The following ZFPM2 variants were observed in gnomAD, a reference collection of about 807,000 sequenced individuals.
ZFPM2 encodes the protein zinc finger protein, FOG family member 2, also known as zinc finger protein ZFPM2.
In ZFPM2, 20 loss-of-function variants were observed where a neutral mutation model predicts 98.6. The observed-to-expected ratio is 0.20, with a 90% CI of 0.14 to 0.29. ZFPM2 has a LOEUF of 0.29. ZFPM2 is among the 10% of genes least tolerant of loss of function. The pLI is 1.00. For missense variants in ZFPM2, 1,310 were observed against 1,388.6 expected (o/e 0.94, Z 0.90); for synonymous variants, 518 against 502.7 (o/e 1.03, Z -0.41).
At chr8:105,529,477 A>G (rs1204915037) in intron 3 of ZFPM2, among the ~76,000 whole-genome samples, 1 of 152,146 alleles carries the variant, frequency 6.6e-6, no homozygotes, top group African/African-American at 2.4e-5. Flanking sequence ...GACTGTCACA[A>G]TACACTGAGT....
At chr8:105,574,134 TA>T (rs1298047056) in intron 4 of ZFPM2, among the ~76,000 whole-genome samples, 3 of 152,190 alleles carry the variant, frequency 2.0e-5, no homozygotes, top group African/African-American at 7.2e-5. Flanking sequence ...AAACATACTT[TA>T]AAAAGCAGGT....
intron 5 of ZFPM2, among the ~76,000 whole-genome samples, chr8:105,722,387 A>C (rs1261475263): frequency 6.6e-6 from 1 of 151,636 alleles, no homozygotes; most frequent in Non-Finnish European, 1.5e-5. Flanking sequence ...ACTATAATTG[A>C]CCTTTGAACA....
chr8:105,728,440 C>G (rs772423792), intron 5 of ZFPM2, among the ~76,000 whole-genome samples: 5 of 151,770 alleles, frequency 3.3e-5, no homozygotes, highest in Non-Finnish European at 7.4e-5. Context: ...AAACTGCTAT[C>G]TGGAACGATG....
At chr8:105,581,731 T>C (rs1297163308) in intron 4 of ZFPM2, among the ~76,000 whole-genome samples, 1 of 152,178 alleles carries the variant, frequency 6.6e-6, no homozygotes, top group Non-Finnish European at 1.5e-5. Flanking sequence ...TTTAAAACTT[T>C]AAAAAATAAC....
intron 3 of ZFPM2, among the ~76,000 whole-genome samples, chr8:105,547,245 A>G (rs1814727396): frequency 2.0e-5 from 3 of 152,082 alleles, no homozygotes; most frequent in Admixed American, 6.6e-5. Flanking sequence ...AAGATGAATA[A>G]TATAAATAAA....
At position 105,610,502 on chromosome 8, in the gene ZFPM2, T is replaced by C. The variant is rs1448627227; in HGVS notation, c.421-23744T>C. Among the ~76,000 whole-genome samples the C allele has an allele frequency of 3.3e-5, 5 of 152,078 alleles. No individual in the cohort carries two copies. The South Asian group carries it at 8.3e-4, about 25-fold the overall frequency. On this transcript the variant is annotated intron_variant, in intron 4 of 7. Coordinates refer to ENST00000407775, the MANE Select transcript of ZFPM2 (RefSeq NM_012082.4). Reference sequence around the variant, plus strand: ...TGTATTTACCATTTTTAGGAGTGAATTGGAAACTAGCATATAATAACTAGC... The same window carrying C: ...TGTATTTACCATTTTTAGGAGTGAACTGGAAACTAGCATATAATAACTAGC...
chr8:105,470,140 A>G (rs1279522687), intron 3 of ZFPM2, among the ~76,000 whole-genome samples: 4 of 151,286 alleles, frequency 2.6e-5, no homozygotes, highest in Non-Finnish European at 5.9e-5. Flanking sequence ...CTTCCTCTCT[A>G]CTCTTCCTTT....
At chr8:105,362,609 G>A (rs1810426278) in intron 1 of ZFPM2, among the ~76,000 whole-genome samples, 1 of 152,094 alleles carries the variant, frequency 6.6e-6, no homozygotes, top group African/African-American at 2.4e-5. Flanking sequence ...CATAATGCTA[G>A]AGTCTTGGAA....
chr8:105,709,622 A>G (rs1293630288), intron 5 of ZFPM2, among the ~76,000 whole-genome samples: 1 of 152,174 alleles, frequency 6.6e-6, no homozygotes, highest in African/African-American at 2.4e-5. Context: ...ATTAAAATTA[A>G]CTGAGAGTGA....
chr8:105,590,847 A>C (rs367901422), intron 4 of ZFPM2, among the ~76,000 whole-genome samples: 3 of 152,260 alleles, frequency 2.0e-5, no homozygotes, highest in East Asian at 3.9e-4. Context: ...CACAAGACAC[A>C]TGGTCCACTT....
At chr8:105,382,530 T>C (rs1371729520) in intron 1 of ZFPM2, among the ~76,000 whole-genome samples, 1 of 152,142 alleles carries the variant, frequency 6.6e-6, no homozygotes, top group African/African-American at 2.4e-5. Context: ...ATAGAAAATG[T>C]TATTTTACCC....
chr8:105,321,403 T>G (rs1270310827), intron 1 of ZFPM2, among the ~76,000 whole-genome samples: 1 of 152,218 alleles, frequency 6.6e-6, no homozygotes, highest in Admixed American at 6.5e-5. Context: ...AAAGCTATGC[T>G]CTGTGAAACA....
At chr8:105,576,426 T>G (rs1009000665) in intron 4 of ZFPM2, among the ~76,000 whole-genome samples, 1 of 152,128 alleles carries the variant, frequency 6.6e-6, no homozygotes, top group Non-Finnish European at 1.5e-5. Context: ...CTAGAAAAAC[T>G]TAGCTGCTTG....
chr8:105,370,979 T>A (rs1810611970), intron 1 of ZFPM2, among the ~76,000 whole-genome samples: 1 of 152,208 alleles, frequency 6.6e-6, no homozygotes, highest in Non-Finnish European at 1.5e-5. Flanking sequence ...AATTCGTTGC[T>A]AGACGCATCT....
At chr8:105,543,178 CT>C (rs1458241360) in intron 3 of ZFPM2, among the ~76,000 whole-genome samples, 9 of 152,120 alleles carry the variant, frequency 5.9e-5, no homozygotes, top group African/African-American at 2.2e-4. Flanking sequence ...TTACCTCTAT[CT>C]CCTTTTAAGA....
At chr8:105,401,894 GT>G (rs1586346220) in intron 1 of ZFPM2, among the ~76,000 whole-genome samples, 1 of 152,196 alleles carries the variant, frequency 6.6e-6, no homozygotes, top group East Asian at 1.9e-4. Flanking sequence ...TTTGTAAGTA[GT>G]TTATGGAATC....
At chr8:105,354,591 G>A (rs1196266080) in intron 1 of ZFPM2, among the ~76,000 whole-genome samples, 2 of 152,144 alleles carry the variant, frequency 1.3e-5, no homozygotes, top group Non-Finnish European at 2.9e-5. Flanking sequence ...TGTTCAAAGA[G>A]GATAAAACAG....
chr8:105,722,232 T>A (rs147339537), intron 5 of ZFPM2, among the ~76,000 whole-genome samples: 1,656 of 151,946 alleles, frequency 0.011, 38 homozygotes, highest in African/African-American at 0.038. Context: ...TTCCTGCTTA[T>A]AAAGAATAAC....
intron 1 of ZFPM2, among the ~76,000 whole-genome samples, chr8:105,338,920 C>T (rs931952126): frequency 9.9e-5 from 15 of 151,720 alleles, no homozygotes; most frequent in Admixed American, 4.6e-4. Flanking sequence ...CTGGGTGCTT[C>T]CTTAATTGAT....
Sources: allele counts gnomAD v4.1 joint callset (sites outside exome capture counted in the v4.1 genomes callset), GRCh38; gene constraint gnomAD v4.1.1; transcripts MANE v1.5; gene names NCBI Gene and HGNC (gene_info 2026-07-23, HGNC 2026-07-21).